ARK2C: variants seen among roughly 807,000 people sequenced by gnomAD.
ARK2C encodes arkadia (RNF111) C-terminal like ring finger ubiquitin ligase 2C.
chr18:46,405,030 A>G, the ARK2C span, among the ~76,000 whole-genome samples: 2 of 152,092 alleles, frequency 1.3e-5, no homozygotes, highest in African/African-American at 2.4e-5. Context: ...GGCAACTATG[A>G]TATGGCAAGA....
chr18:46,389,160 T>A, the ARK2C span, among the ~76,000 whole-genome samples: 1 of 152,138 alleles, frequency 6.6e-6, no homozygotes, highest in Non-Finnish European at 1.5e-5. Context: ...CATCAGGTAG[T>A]GAGGACCACA....
At chr18:46,419,201 G>A in the ARK2C span, among the ~76,000 whole-genome samples, 8 of 152,190 alleles carry the variant, frequency 5.3e-5, no homozygotes, top group African/African-American at 1.2e-4. Context: ...TACTACAGAC[G>A]GCACTGGAGC....
the ARK2C span, among the ~76,000 whole-genome samples, chr18:46,408,057 G>T: frequency 6.6e-6 from 1 of 152,196 alleles, no homozygotes; most frequent in Non-Finnish European, 1.5e-5. Context: ...AAAAGCCAAG[G>T]GAGATATTTG....
At chr18:46,398,343 G>A in the ARK2C span, among the ~76,000 whole-genome samples, 1 of 151,770 alleles carries the variant, frequency 6.6e-6, no homozygotes. Flanking sequence ...TAGGGAGGGG[G>A]AGCGACACCA....
chr18:46,358,785 C>G, the ARK2C span, among the ~76,000 whole-genome samples: 22 of 152,206 alleles, frequency 1.4e-4, no homozygotes, highest in Non-Finnish European at 1.5e-5. Context: ...CAGGGAGAAA[C>G]CCATGGGCAG....
chr18:46,364,920 C>T, the ARK2C span, among the ~76,000 whole-genome samples: 1 of 152,132 alleles, frequency 6.6e-6, no homozygotes, highest in South Asian at 2.1e-4. Context: ...CAGCCCTGAC[C>T]CAGGTCTCAG....
the ARK2C span, among the ~76,000 whole-genome samples, chr18:46,391,327 C>T: frequency 6.6e-6 from 1 of 152,214 alleles, no homozygotes; most frequent in African/African-American, 2.4e-5. Context: ...GTCCCATGGG[C>T]TCTCTGTTGG....
the ARK2C span, among the ~76,000 whole-genome samples, chr18:46,365,755 G>A: frequency 6.6e-6 from 1 of 152,024 alleles, no homozygotes. Flanking sequence ...TGCCTGCCTT[G>A]GCCTCCCAAA....
At chr18:46,360,136 G>A in the ARK2C span, among the ~76,000 whole-genome samples, 11 of 152,170 alleles carry the variant, frequency 7.2e-5, no homozygotes, top group Non-Finnish European at 1.5e-4. Flanking sequence ...CCCATTGAAG[G>A]TCCTCCAGCT....
chr18:46,437,900 T>C, the ARK2C span, among the ~76,000 whole-genome samples: 57 of 152,250 alleles, frequency 3.7e-4, no homozygotes, highest in Non-Finnish European at 4.4e-4. Flanking sequence ...AGAGGGTGGG[T>C]GGAGGGTGAG....
At chr18:46,451,378 T>A in the ARK2C span, among the ~76,000 whole-genome samples, 1 of 152,162 alleles carries the variant, frequency 6.6e-6, no homozygotes, top group Non-Finnish European at 1.5e-5. Context: ...AAACTGAGTT[T>A]AAAATTTTTT....
At chr18:46,343,657 T>G in the ARK2C span, among the ~76,000 whole-genome samples, 2 of 152,250 alleles carry the variant, frequency 1.3e-5, no homozygotes, top group Non-Finnish European at 2.9e-5. Flanking sequence ...GAGAATTGAC[T>G]GGATTGCCCC....
the ARK2C span, chr18:46,456,051 G>T: frequency 6.2e-7 from 1 of 1,611,676 alleles, no homozygotes; most frequent in Non-Finnish European, 8.5e-7. Flanking sequence ...CAATTTGTCT[G>T]TCTATGCTGG....
chr18:46,362,409 T>G, the ARK2C span, among the ~76,000 whole-genome samples: 2 of 152,174 alleles, frequency 1.3e-5, no homozygotes, highest in African/African-American at 4.8e-5. Flanking sequence ...CCCCAGTGGT[T>G]GAGGGGAGAG....
the ARK2C span, among the ~76,000 whole-genome samples, chr18:46,344,749 G>T: frequency 6.6e-6 from 1 of 152,240 alleles, no homozygotes; most frequent in African/African-American, 2.4e-5. Flanking sequence ...GAAGGTGAGG[G>T]AGTGACAGTG....
the ARK2C span, among the ~76,000 whole-genome samples, chr18:46,401,547 G>C: frequency 1.3e-5 from 2 of 152,174 alleles, no homozygotes; most frequent in African/African-American, 2.4e-5. Flanking sequence ...CTGCTACTCA[G>C]GGCCTGGTGG....
the ARK2C span, among the ~76,000 whole-genome samples, chr18:46,371,276 C>A: frequency 4.3e-4 from 66 of 152,230 alleles, no homozygotes; most frequent in East Asian, 0.011. Context: ...CACAGCCAAA[C>A]CCTATCAGGA....
At chr18:46,413,005 C>T in the ARK2C span, among the ~76,000 whole-genome samples, 1 of 152,204 alleles carries the variant, frequency 6.6e-6, no homozygotes, top group Non-Finnish European at 1.5e-5. Context: ...ACACAGCCCC[C>T]TCTCCGAGAA....
chr18:46,435,538 C>A, the ARK2C span: 2 of 666,412 alleles, frequency 3.0e-6, no homozygotes, highest in Admixed American at 2.4e-5. Flanking sequence ...TGCCTCTGCT[C>A]CCAGCCACCC....
Sources: allele counts gnomAD v4.1 joint callset (sites outside exome capture counted in the v4.1 genomes callset), GRCh38; gene constraint gnomAD v4.1.1; transcripts MANE v1.5; gene names NCBI Gene and HGNC (gene_info 2026-07-23, HGNC 2026-07-21).